ZNF385D: variants seen among roughly 807,000 people sequenced by gnomAD.
The protein encoded by ZNF385D is zinc finger protein 659.
A neutral mutation model predicts 35.8 loss-of-function variants in ZNF385D; 15 were observed. The observed-to-expected ratio is 0.42, with a 90% CI of 0.28 to 0.64. The LOEUF is 0.64. Ranked by LOEUF, ZNF385D falls within the 30% of genes least tolerant of loss-of-function variation. ZNF385D has a pLI of 0.23. For synonymous variants in ZNF385D, 212 were observed against 186.8 expected (o/e 1.13, Z -1.10); for missense variants, 474 against 494.6 (o/e 0.96, Z 0.39).
chr3:21,603,509 A>G (rs1470717891), intron 2 of ZNF385D, among the ~76,000 whole-genome samples: 1 of 152,236 alleles, frequency 6.6e-6, no homozygotes, highest in Non-Finnish European at 1.5e-5. Flanking sequence ...GTTATGTTAC[A>G]TCTGTACAGT....
At chr3:21,715,557 CAT>C (rs1176302930) in intron 1 of ZNF385D, among the ~76,000 whole-genome samples, 2 of 152,090 alleles carry the variant, frequency 1.3e-5, no homozygotes. Flanking sequence ...CTGCAAGAAA[CAT>C]ATGAGTTCAC....
chr3:21,853,869 G>A (rs1407952408), intron 3 of ZNF385D, among the ~76,000 whole-genome samples: 1 of 151,752 alleles, frequency 6.6e-6, no homozygotes, highest in East Asian at 1.9e-4. Flanking sequence ...ATAATTCCAT[G>A]TATATGAAGT....
chr3:21,806,155 C>A (rs141124373), intron 3 of ZNF385D, among the ~76,000 whole-genome samples: 5 of 151,940 alleles, frequency 3.3e-5, no homozygotes, highest in Admixed American at 6.5e-5. Flanking sequence ...CTTTCTCCCC[C>A]TCTCTTTCAC....
chr3:22,336,400 G>T (rs574655656), intron 2 of ZNF385D, among the ~76,000 whole-genome samples: 1 of 152,020 alleles, frequency 6.6e-6, no homozygotes, highest in Non-Finnish European at 1.5e-5. Flanking sequence ...TAGTTTTACG[G>T]AACTGATTTA....
chr3:21,890,576 G>A lies in ZNF385D; in HGVS notation c.326-225548C>T, dbSNP rs146577884. Among the ~76,000 whole-genome samples the A allele has an allele frequency of 1.3e-3, 192 of 152,118 alleles. 2 individuals are homozygous for A. Among genetic ancestry groups the A allele is most frequent in the African/African-American group, 4.3e-3 (177 of 41,508 alleles). ...GGAGGTTGCAGTGAGCCAAGATCGC[G>A]CCACTGCACTCCAGCCTGGGTGACA... On this transcript the variant is annotated intron_variant, in intron 3 of 5. Coordinates refer to the ZNF385D transcript ENST00000494108.
intron 4 of ZNF385D, among the ~76,000 whole-genome samples, chr3:21,486,697 T>C (rs921599891): frequency 6.6e-6 from 1 of 152,086 alleles, no homozygotes; most frequent in Non-Finnish European, 1.5e-5. Context: ...TTAGGTCACA[T>C]CTAGTACGAC....
At chr3:21,499,534 C>T (rs1051677165) in intron 4 of ZNF385D, among the ~76,000 whole-genome samples, 4 of 152,070 alleles carry the variant, frequency 2.6e-5, no homozygotes, top group African/African-American at 9.6e-5. Context: ...GGGTACTATG[C>T]TCATTACCTA....
At chr3:21,590,854 A>G (rs1452875070) in intron 2 of ZNF385D, among the ~76,000 whole-genome samples, 1 of 152,144 alleles carries the variant, frequency 6.6e-6, no homozygotes, top group African/African-American at 2.4e-5. Context: ...TGTATACAGC[A>G]TCTTTATATT....
At chr3:21,885,266 C>G (rs1442430416) in intron 3 of ZNF385D, among the ~76,000 whole-genome samples, 1 of 151,848 alleles carries the variant, frequency 6.6e-6, no homozygotes, top group African/African-American at 2.4e-5. Context: ...TCATTTTTTT[C>G]TTTCATTCTT....
At chr3:21,618,907 T>C (rs1313268658) in intron 2 of ZNF385D, among the ~76,000 whole-genome samples, 1 of 152,100 alleles carries the variant, frequency 6.6e-6, no homozygotes, top group African/African-American at 2.4e-5. Flanking sequence ...CAGTAATGGG[T>C]GTTTGAAGCT....
At chr3:22,172,402 T>C (rs868522236) in intron 2 of ZNF385D, among the ~76,000 whole-genome samples, 1 of 152,108 alleles carries the variant, frequency 6.6e-6, no homozygotes, top group Admixed American at 6.5e-5. Context: ...AAAAAATGTA[T>C]GTGAGTTAAT....
chr3:21,739,519 A>G (rs2069405466), intron 1 of ZNF385D, among the ~76,000 whole-genome samples: 1 of 152,216 alleles, frequency 6.6e-6, no homozygotes, highest in African/African-American at 2.4e-5. Context: ...CGACAGGAAC[A>G]TGAGGGGCCA....
intron 3 of ZNF385D, among the ~76,000 whole-genome samples, chr3:21,809,260 G>T (rs1245759611): frequency 2.0e-5 from 3 of 151,864 alleles, no homozygotes; most frequent in Non-Finnish European, 4.4e-5. Context: ...CAAAGAAAAA[G>T]AAATAGAAAC....
chr3:21,588,443 A>G (rs1043937967), intron 2 of ZNF385D, among the ~76,000 whole-genome samples: 2 of 34,472 alleles, frequency 5.8e-5, no homozygotes, highest in African/African-American at 9.0e-5. Context: ...TAATGTGTAA[A>G]GACCTGATTT....
At chr3:22,331,759 C>T (rs1341763033) in intron 2 of ZNF385D, among the ~76,000 whole-genome samples, 1 of 152,098 alleles carries the variant, frequency 6.6e-6, no homozygotes, top group African/African-American at 2.4e-5. Context: ...TCTATTGATT[C>T]ACCCGTTTGT....
intron 2 of ZNF385D, among the ~76,000 whole-genome samples, chr3:22,329,472 C>T (rs1694835082): frequency 6.6e-6 from 1 of 152,182 alleles, no homozygotes; most frequent in Non-Finnish European, 1.5e-5. Flanking sequence ...TTCAATTTTA[C>T]TATAAAGTTC....
intron 1 of ZNF385D, among the ~76,000 whole-genome samples, chr3:21,727,868 T>C (rs142895107): frequency 1.3e-5 from 2 of 152,180 alleles, no homozygotes; most frequent in East Asian, 1.9e-4. Flanking sequence ...AGCACACATA[T>C]GTTTACTGTG....
At chr3:21,683,200 C>G (rs1273280165) in intron 1 of ZNF385D, among the ~76,000 whole-genome samples, 1 of 149,894 alleles carries the variant, frequency 6.7e-6, no homozygotes, top group African/African-American at 2.5e-5. Flanking sequence ...ATGTGTGTCT[C>G]TAGGCATATT....
intron 3 of ZNF385D, among the ~76,000 whole-genome samples, chr3:21,802,144 T>G (rs922241277): frequency 2.0e-5 from 3 of 152,168 alleles, no homozygotes; most frequent in African/African-American, 7.2e-5. Context: ...GCATAAAATC[T>G]AATTAATGGC....
Sources: allele counts gnomAD v4.1 joint callset (sites outside exome capture counted in the v4.1 genomes callset), GRCh38; gene constraint gnomAD v4.1.1; transcripts MANE v1.5; gene names NCBI Gene and HGNC (gene_info 2026-07-23, HGNC 2026-07-21).